Variants in ZNF493 observed in about 807,000 individuals in gnomAD.
ZNF493 encodes zinc finger protein 493.
In ZNF493, 11 loss-of-function variants were observed where a neutral mutation model predicts 12.2. That is an observed-to-expected ratio of 0.90 (90% CI 0.57 to 1.50). The LOEUF is 1.50. ZNF493 is among the 40% of genes most tolerant of loss of function. ZNF493 has a pLI of 0.00. For synonymous variants in ZNF493, 286 were observed against 302.6 expected, an observed-to-expected ratio of 0.95 and a Z score of 0.57; for missense variants, 950 against 906.6, an observed-to-expected ratio of 1.05 and a Z score of -0.61.
Position 21,417,287 on chromosome 19 carries a change from G to A in ZNF493, c.254-5626G>A, listed in dbSNP as rs537680475. On this transcript the variant is annotated intron_variant, in intron 3 of 3. Transcript: ENST00000392288. The stretch of plus-strand genomic sequence containing the variant: ...TTCCCACAGTTAAAACAAGCTCCAG[G>A]AAATGGAGTATTTCCTTTATCCACT... Among the ~76,000 whole-genome samples the A allele has an allele frequency of 6.4e-4, 97 of 152,132 alleles. No homozygotes were observed. In the South Asian group the frequency reaches 0.019, roughly 30 times the overall value.
chr19:21,399,903 A>C (rs1332195039), intron 1 of ZNF493, among the ~76,000 whole-genome samples: 1 of 152,042 alleles, frequency 6.6e-6, no homozygotes, highest in African/African-American at 2.4e-5. Flanking sequence ...CTTTTTTTGC[A>C]AGGTAAATTT....
chr19:21,424,766 CATAAG>C lies in ZNF493; in HGVS notation c.2112_2116del (p.Lys704AsnfsTer11), dbSNP rs2030807073. ...CTACCGATTCTCAAACCTTAATACG[CATAAG>C]ATAATTCATACTGGAGAGAAACCTT... On this transcript the variant is annotated frameshift_variant, in exon 4 of 4. Transcript: ENST00000392288. LOFTEE classifies it low-confidence loss of function (END_TRUNC). The C allele has an allele frequency of 1.2e-6, 2 of 1,613,192 alleles. No homozygotes were observed. Among genetic ancestry groups the C allele is most frequent in the Middle Eastern group, 1.7e-4 (1 of 6,050 alleles).
intron 3 of ZNF493, among the ~76,000 whole-genome samples, chr19:21,409,818 A>G (rs2030261975): frequency 6.6e-6 from 1 of 152,144 alleles, no homozygotes; most frequent in African/African-American, 2.4e-5. Flanking sequence ...AAAGTTTTAC[A>G]TCTTGTGAAA....
chr19:21,419,457 A>G (rs2030589831), intron 3 of ZNF493, among the ~76,000 whole-genome samples: 2 of 152,180 alleles, frequency 1.3e-5, no homozygotes, highest in Non-Finnish European at 2.9e-5. Context: ...CTGAGGAGCA[A>G]AGAGAGTCAG....
At chr19:21,418,938 G>A (rs1002070463) in intron 3 of ZNF493, among the ~76,000 whole-genome samples, 1 of 152,204 alleles carries the variant, frequency 6.6e-6, no homozygotes, top group African/African-American at 2.4e-5. Flanking sequence ...TCATGAACAT[G>A]TTACAGTGCT....
chr19:21,410,780 TTTTTGTTTTTG>T (rs906798211), intron 3 of ZNF493, among the ~76,000 whole-genome samples: 3 of 149,940 alleles, frequency 2.0e-5, no homozygotes, highest in African/African-American at 7.6e-5. Context: ...TGTCTAAGTT[TTTTTGTTTTTG>T]TTTTTGTTTT....
At chr19:21,413,303 A>G in intron 3 of ZNF493, 1 of 390,134 alleles carries the variant, frequency 2.6e-6, no homozygotes, top group Non-Finnish European at 4.5e-6. Context: ...TAGAGTGATT[A>G]CATCCAGGCA....
At chr19:21,421,678 T>C (rs1452237388) in intron 3 of ZNF493, among the ~76,000 whole-genome samples, 2 of 152,170 alleles carry the variant, frequency 1.3e-5, no homozygotes, top group African/African-American at 2.4e-5. Flanking sequence ...TGTAATCTTT[T>C]ATAAAAATTT....
In ZNF493 at chr19:21,424,919, T is replaced by C. The variant is rs775278534; in HGVS notation, c.2260T>C (p.Ser754Pro). Reference protein sequence around the residue: ...EACGKAFRRSSHLSRHKIIHI... With the variant: ...EACGKAFRRSPHLSRHKIIHI... ...ATGTGGCAAAGCTTTTAGGCGGTCT[T>C]CACATCTTAGTAGACATAAGATAAT... is the stretch of plus-strand genomic sequence containing the variant. The change falls in exon 4 of 4, where the codon TCA becomes CCA. Residue 754 changes from serine (S) to proline (P), a missense_variant. Ser to Pro is a moderately conservative substitution (Grantham distance 74). Coordinates refer to ENST00000392288, the MANE Select transcript of ZNF493 (RefSeq NM_001076678.3). 1 of 1,612,314 alleles carries C rather than the reference T, an allele frequency of 6.2e-7. No homozygotes were observed. The highest frequency in any genetic ancestry group is 8.5e-7 in the Non-Finnish European group (1 of 1,179,156).
At chr19:21,415,643 G>A (rs2030465792) in intron 3 of ZNF493, among the ~76,000 whole-genome samples, 1 of 152,144 alleles carries the variant, frequency 6.6e-6, no homozygotes, top group South Asian at 2.1e-4. Context: ...ATGTAACACT[G>A]TGAAAATATT....
At chr19:21,410,605 C>T (rs186763006) in intron 3 of ZNF493, among the ~76,000 whole-genome samples, 1 of 152,066 alleles carries the variant, frequency 6.6e-6, no homozygotes, top group East Asian at 1.9e-4. Context: ...TAACTACTAT[C>T]ACATATGATT....
chr19:21,420,591 T>TTTTATATATA (rs1491162530), intron 3 of ZNF493, among the ~76,000 whole-genome samples: 3 of 10,680 alleles, frequency 2.8e-4, no homozygotes, highest in African/African-American at 1.4e-3. Flanking sequence ...ACTCACTTGA[T>TTTTATATATA]TATATATATA....
In ZNF493 at chr19:21,423,897, C is replaced by T; in HGVS notation, c.1238C>T (p.Ala413Val). Residue 413 changes from alanine (A) to valine (V), a missense_variant, in exon 4 of 4, where the codon GCT becomes GTT. By Grantham distance (64) the Ala-to-Val change is moderately conservative (BLOSUM62 0). Transcript: ENST00000392288. The stretch of plus-strand genomic sequence containing the variant: ...CACAGATGTGAAGAATGTGGCAAAG[C>T]TTATAAGGAGTCTTCACACCTTACT... ...KSHRCEECGK[A>V]YKESSHLTTH... 1 of 1,613,246 alleles carries T rather than the reference C, an allele frequency of 6.2e-7. No homozygotes were observed.
At position 21,422,068 on chromosome 19, in the gene ZNF493, T is replaced by G. The variant is rs867460261; in HGVS notation, c.254-845T>G. Among the ~76,000 whole-genome samples the G allele has an allele frequency of 7.9e-5, 12 of 152,232 alleles. No individual in the cohort carries two copies. In the Middle Eastern group the frequency reaches 0.014, roughly 173 times the overall value. ...ACCATTTTGGCCAGCATAGTCTTAATCTCTTGAACTCGTGATCCACCCGCC... is the reference window on the plus strand; with the variant it reads ...ACCATTTTGGCCAGCATAGTCTTAAGCTCTTGAACTCGTGATCCACCCGCC... On this transcript the variant is annotated intron_variant, in intron 3 of 3. Transcript: ENST00000392288.
intron 3 of ZNF493, chr19:21,412,591 C>G (rs1158689739): frequency 6.5e-6 from 1 of 154,110 alleles, no homozygotes; most frequent in Non-Finnish European, 1.4e-5. Flanking sequence ...AGCTACTTCT[C>G]GCAGGAGTCA....
Position 21,423,522 on chromosome 19 carries a change from C to T in ZNF493, c.863C>T (p.Thr288Ile). 2 of 1,613,722 alleles carry T rather than the reference C, an allele frequency of 1.2e-6. No homozygotes were observed. Among genetic ancestry groups the T allele is most frequent in the South Asian group, 2.2e-5 (2 of 91,070 alleles). Residue 288 changes from threonine (T) to isoleucine (I), a missense_variant, in exon 4 of 4, where the codon ACT becomes ATT. Coordinates refer to ENST00000392288, the MANE Select transcript of ZNF493 (RefSeq NM_001076678.3). ...SYLTRHKLIH[T>I]REKPYKCEQY... ...CTTACTAGGCATAAGCTAATTCATACTAGAGAGAAACCCTATAAATGTGAA... is the reference window on the plus strand; with the variant it reads ...CTTACTAGGCATAAGCTAATTCATATTAGAGAGAAACCCTATAAATGTGAA...
chr19:21,397,299 G>A, intron 1 of ZNF493, 32 bp downstream of exon 1: 1 of 1,614,110 alleles, frequency 6.2e-7, no homozygotes, highest in East Asian at 2.2e-5. Flanking sequence ...TCACGAGAGA[G>A]GGGAAGGAGT....
chr19:21,421,600 G>T (rs1461286496), intron 3 of ZNF493, among the ~76,000 whole-genome samples: 2 of 152,026 alleles, frequency 1.3e-5, no homozygotes, highest in Non-Finnish European at 2.9e-5. Flanking sequence ...CGTGACCTCA[G>T]GTGATCCACC....
chr19:21,397,250 C>G lies in ZNF493; in HGVS notation c.13C>G (p.Pro5Ala). Residue 5 changes from proline to alanine, a missense_variant, in exon 1 of 4, where the codon CCT becomes GCT. Physicochemically the swap from Pro to Ala is conservative, Grantham distance 27. Coordinates refer to ENST00000392288, the MANE Select transcript of ZNF493 (RefSeq NM_001076678.3). Reference protein sequence around the residue: MPGPPESLDMGPLTF... With the variant: MPGPAESLDMGPLTF... Reference sequence around the variant, plus strand: ...ATCCATAGCTAAGATGCCAGGACCCCCTGAAAGCCTAGACATGGTGAGAGT... The same window carrying G: ...ATCCATAGCTAAGATGCCAGGACCCGCTGAAAGCCTAGACATGGTGAGAGT... 1 of 1,614,228 alleles carries G rather than the reference C, an allele frequency of 6.2e-7. No individual in the cohort carries two copies. Among genetic ancestry groups the G allele is most frequent in the Non-Finnish European group, 8.5e-7 (1 of 1,180,038 alleles).
Sources: allele counts gnomAD v4.1 joint callset (sites outside exome capture counted in the v4.1 genomes callset), GRCh38; gene constraint gnomAD v4.1.1; transcripts MANE v1.5; gene names NCBI Gene and HGNC (gene_info 2026-07-23, HGNC 2026-07-21).